FHIT: variants seen among roughly 807,000 people sequenced by gnomAD.
FHIT encodes bis(5'-adenosyl)-triphosphatase.
FHIT carries 19 observed loss-of-function variants against 17.9 expected under a neutral mutation model. The ratio of observed to expected loss-of-function variants is 1.06; its 90% confidence interval spans 0.74 to 1.56. FHIT has a LOEUF of 1.56. Ranked by LOEUF, FHIT falls within the 40% of genes most tolerant of loss-of-function variation. The pLI is 0.00. For missense variants in FHIT, 248 were observed against 189.2 expected (o/e 1.31, Z -1.82); for synonymous variants, 81 against 69.7 (o/e 1.16, Z -0.81).
chr3:60,435,703 C>T (rs1185234451), intron 5 of FHIT, among the ~76,000 whole-genome samples: 1 of 152,052 alleles, frequency 6.6e-6, no homozygotes, highest in African/African-American at 2.4e-5. Flanking sequence ...GTTTCTTACA[C>T]AGGTAAACAT....
intron 5 of FHIT, among the ~76,000 whole-genome samples, chr3:60,319,634 T>C (rs749449580): frequency 2.6e-5 from 4 of 152,184 alleles, no homozygotes; most frequent in Admixed American, 6.5e-5. Context: ...CATGAGCACA[T>C]AGAAGTCCGT....
At chr3:60,761,705 G>A (rs1699664717) in intron 4 of FHIT, among the ~76,000 whole-genome samples, 1 of 147,924 alleles carries the variant, frequency 6.8e-6, no homozygotes, top group Admixed American at 6.8e-5. Flanking sequence ...CTTCAACTGT[G>A]ACAATGATAG....
At chr3:60,163,201 C>T (rs1576230460) in intron 5 of FHIT, among the ~76,000 whole-genome samples, 1 of 152,146 alleles carries the variant, frequency 6.6e-6, no homozygotes, top group Admixed American at 6.5e-5. Context: ...GGTGTCCAAA[C>T]TCACCCAGGT....
intron 4 of FHIT, among the ~76,000 whole-genome samples, chr3:60,776,015 C>T (rs1394163822): frequency 6.6e-6 from 1 of 152,208 alleles, no homozygotes; most frequent in Admixed American, 6.5e-5. Context: ...ACCCCATCAG[C>T]AAGTTAACTT....
chr3:60,717,470 G>A (rs2041711206), intron 4 of FHIT, among the ~76,000 whole-genome samples: 2 of 152,206 alleles, frequency 1.3e-5, no homozygotes, highest in Middle Eastern at 3.4e-3. Flanking sequence ...TAAAGGTGGG[G>A]TGAAAATGCA....
intron 4 of FHIT, among the ~76,000 whole-genome samples, chr3:60,658,419 T>C (rs1042032963): frequency 6.6e-6 from 1 of 152,128 alleles, no homozygotes; most frequent in Non-Finnish European, 1.5e-5. Context: ...AGTGAAACAT[T>C]TAAATTCCTT....
chr3:61,180,949 T>G (rs1255412155), intron 2 of FHIT, among the ~76,000 whole-genome samples: 2 of 152,330 alleles, frequency 1.3e-5, no homozygotes, highest in African/African-American at 4.8e-5. Flanking sequence ...TTTAATATTT[T>G]TATTAAATAT....
chr3:60,928,202 C>T (rs139211923), intron 3 of FHIT, among the ~76,000 whole-genome samples: 2,830 of 151,978 alleles, frequency 0.019, 89 homozygotes, highest in African/African-American at 0.065. Context: ...CCTAGGAAAA[C>T]CAGAGACCTT....
chr3:60,415,748 A>T (rs1576620312), intron 5 of FHIT, among the ~76,000 whole-genome samples: 1 of 139,972 alleles, frequency 7.1e-6, no homozygotes, highest in African/African-American at 2.6e-5. Flanking sequence ...AAAAAAAAAA[A>T]GTCTCTATCA....
intron 2 of FHIT, among the ~76,000 whole-genome samples, chr3:61,184,148 G>T (rs1236932596): frequency 2.6e-5 from 4 of 152,070 alleles, no homozygotes; most frequent in Non-Finnish European, 5.9e-5. Context: ...CCAGGAGATA[G>T]TAAACTACTC....
At chr3:60,067,885 G>A (rs1031755951) in intron 5 of FHIT, among the ~76,000 whole-genome samples, 1 of 152,132 alleles carries the variant, frequency 6.6e-6, no homozygotes, top group African/African-American at 2.4e-5. Context: ...ATGGTTTGAG[G>A]AGCCTCAAGT....
chr3:61,143,859 C>T (rs2107014350), intron 2 of FHIT, among the ~76,000 whole-genome samples: 1 of 152,242 alleles, frequency 6.6e-6, no homozygotes, highest in African/African-American at 2.4e-5. Flanking sequence ...GAGCAAGACT[C>T]TGTCTAAAAC....
At chr3:60,837,983 CT>C (rs2106847633) in intron 3 of FHIT, among the ~76,000 whole-genome samples, 1 of 152,246 alleles carries the variant, frequency 6.6e-6, no homozygotes, top group South Asian at 2.1e-4. Flanking sequence ...GCAATTTTTG[CT>C]TCAAACTTCA....
chr3:60,519,512 C>A (rs539004424), intron 5 of FHIT, among the ~76,000 whole-genome samples: 1 of 152,240 alleles, frequency 6.6e-6, no homozygotes, highest in South Asian at 2.1e-4. Flanking sequence ...GACTGGAAGC[C>A]TTACCAATAA....
At chr3:60,951,404 A>G (rs1275330055) in intron 3 of FHIT, among the ~76,000 whole-genome samples, 3 of 152,218 alleles carry the variant, frequency 2.0e-5, no homozygotes, top group African/African-American at 7.2e-5. Flanking sequence ...AAGATCTACT[A>G]TGGTGTCAGG....
intron 1 of FHIT, among the ~76,000 whole-genome samples, chr3:61,206,557 G>C (rs984986898): frequency 1.3e-5 from 2 of 152,118 alleles, no homozygotes; most frequent in African/African-American, 4.8e-5. Context: ...TGGATTCCTA[G>C]GTATTTTATT....
intron 5 of FHIT, among the ~76,000 whole-genome samples, chr3:60,403,761 G>C (rs1701750910): frequency 6.6e-6 from 1 of 152,074 alleles, no homozygotes; most frequent in Admixed American, 6.5e-5. Flanking sequence ...TTTCTATATG[G>C]CTCTCTGTAC....
At chr3:60,344,120 A>G (rs545443218) in intron 5 of FHIT, among the ~76,000 whole-genome samples, 1 of 152,324 alleles carries the variant, frequency 6.6e-6, no homozygotes, top group Admixed American at 6.5e-5. Context: ...TATCTCTAGA[A>G]TAATTCCTTT....
intron 4 of FHIT, among the ~76,000 whole-genome samples, chr3:60,674,777 G>C (rs1158885786): frequency 6.6e-6 from 1 of 152,076 alleles, no homozygotes; most frequent in Non-Finnish European, 1.5e-5. Flanking sequence ...TCTTTGTTCG[G>C]CTCTTGGTCC....
Sources: allele counts gnomAD v4.1 joint callset (sites outside exome capture counted in the v4.1 genomes callset), GRCh38; gene constraint gnomAD v4.1.1; transcripts MANE v1.5; gene names NCBI Gene and HGNC (gene_info 2026-07-23, HGNC 2026-07-21).